PTPRT: variants seen among roughly 807,000 people sequenced by gnomAD.
PTPRT encodes receptor-type tyrosine-protein phosphatase T.
In PTPRT, 56 loss-of-function variants were observed where a neutral mutation model predicts 176.8. The observed-to-expected ratio is 0.32, with a 90% confidence interval of 0.26 to 0.40. The LOEUF is 0.40. PTPRT is among the 10% of genes least tolerant of loss of function. The pLI is 1.00. For synonymous variants in PTPRT, 783 were observed against 739.0 expected, an observed-to-expected ratio of 1.06 and a Z score of -0.96; for missense variants, 1,540 against 1,908.2, an observed-to-expected ratio of 0.81 and a Z score of 3.60.
At chr20:42,992,785 T>C (rs1411988024) in intron 1 of PTPRT, among the ~76,000 whole-genome samples, 1 of 152,188 alleles carries the variant, frequency 6.6e-6, no homozygotes, top group African/African-American at 2.4e-5. Flanking sequence ...CTGGCACAAC[T>C]GCAATCACAT....
chr20:43,021,961 G>A (rs1373716696), intron 1 of PTPRT, among the ~76,000 whole-genome samples: 1 of 152,162 alleles, frequency 6.6e-6, no homozygotes, highest in Non-Finnish European at 1.5e-5. Context: ...GGACAGAAGA[G>A]CAGGGAAAAG....
rs185569193 is a variant in PTPRT, at chr20:42,574,045, C to A, written c.1154-101483G>T. On this transcript the variant is annotated intron_variant, in intron 7 of 30. Coordinates refer to ENST00000373187, the MANE Select transcript of PTPRT (RefSeq NM_007050.6). ...TACAGGCGTGAGCCACCGCACCCAGCAAGATAGACTCTTTCTATGCTTCTG... is the reference window on the plus strand; with the variant it reads ...TACAGGCGTGAGCCACCGCACCCAGAAAGATAGACTCTTTCTATGCTTCTG... Among the ~76,000 whole-genome samples, 364 of 152,256 alleles carry A rather than the reference C, an allele frequency of 2.4e-3. 2 individuals carry two copies. Among genetic ancestry groups the A allele is most frequent in the East Asian group, 0.012 (60 of 5,160 alleles).
chr20:42,582,356 G>C (rs764445), intron 7 of PTPRT, among the ~76,000 whole-genome samples: 1,890 of 152,296 alleles, frequency 0.012, 44 homozygotes, highest in South Asian at 0.1. Flanking sequence ...TCTGAGGCTA[G>C]AGGTGGAATC....
In PTPRT at chr20:42,682,530, A is replaced by G. The variant is rs373569789; in HGVS notation, c.860-4371T>C. On this transcript the variant is annotated intron_variant, in intron 6 of 30. Transcript: ENST00000373187. ...CCAATGCCCTCTTAACAGACTCCACACCATCATCTGTGCAAAGCCAGGAGT... is the reference window on the plus strand; with the variant it reads ...CCAATGCCCTCTTAACAGACTCCACGCCATCATCTGTGCAAAGCCAGGAGT... 3.9e-5 allele frequency among the ~76,000 whole-genome samples: 6 copies of G among 152,312 alleles called. No individual in the cohort carries two copies. In the East Asian group the frequency reaches 9.6e-4, roughly 24 times the overall value.
chr20:43,105,557 TACC>T (rs2012569390), intron 1 of PTPRT, among the ~76,000 whole-genome samples: 1 of 152,070 alleles, frequency 6.6e-6, no homozygotes, highest in African/African-American at 2.4e-5. Context: ...CACACCACCA[TACC>T]TGGCTAATTT....
At chr20:42,638,924 C>T (rs535517372) in intron 7 of PTPRT, among the ~76,000 whole-genome samples, 109 of 152,074 alleles carry the variant, frequency 7.2e-4, no homozygotes, top group African/African-American at 2.6e-3. Context: ...AATTTAAATA[C>T]CACATATTTA....
intron 7 of PTPRT, among the ~76,000 whole-genome samples, chr20:42,587,341 G>A (rs773652949): frequency 1.3e-5 from 2 of 152,226 alleles, no homozygotes; most frequent in Non-Finnish European, 2.9e-5. Flanking sequence ...CCAGCATGGG[G>A]TCTGGCTCTG....
intron 1 of PTPRT, among the ~76,000 whole-genome samples, chr20:43,157,330 C>T (rs2014552363): frequency 1.3e-5 from 2 of 152,162 alleles, no homozygotes; most frequent in Non-Finnish European, 2.9e-5. Flanking sequence ...TGCCACTGCA[C>T]TCTAGCCTGG....
intron 9 of PTPRT, among the ~76,000 whole-genome samples, chr20:42,438,366 A>G (rs1199779714): frequency 2.0e-5 from 3 of 152,182 alleles, no homozygotes; most frequent in Non-Finnish European, 4.4e-5. Flanking sequence ...GCCCACTGAA[A>G]TGAAAGAAAG....
chr20:42,665,498 C>T (rs1600573838), intron 7 of PTPRT, among the ~76,000 whole-genome samples: 1 of 152,080 alleles, frequency 6.6e-6, no homozygotes, highest in East Asian at 1.9e-4. Flanking sequence ...GTTGGTGGGA[C>T]TGTAAACTAG....
At chr20:42,070,313 T>C (rs1276515078), downstream of PTPRT, among the ~76,000 whole-genome samples, 1 of 151,550 alleles carries the variant, frequency 6.6e-6, no homozygotes, top group Non-Finnish European at 1.5e-5. Flanking sequence ...GAGCTACCAA[T>C]CAAGGTGCTC....
At chr20:42,428,631 G>C (rs6030225) in intron 9 of PTPRT, among the ~76,000 whole-genome samples, 63,874 of 151,996 alleles carry the variant, frequency 0.42, 15,026 homozygotes, top group Admixed American at 0.53. Flanking sequence ...GGAGGGGAAG[G>C]ATGGGCTCTG....
chr20:43,096,604 T>C (rs1230775706), intron 1 of PTPRT, among the ~76,000 whole-genome samples: 2 of 152,198 alleles, frequency 1.3e-5, no homozygotes, highest in African/African-American at 2.4e-5. Flanking sequence ...TCCACAGCTC[T>C]GCCTGTGTAA....
chr20:42,853,418 A>G (rs376300558), intron 2 of PTPRT, among the ~76,000 whole-genome samples: 9 of 152,302 alleles, frequency 5.9e-5, no homozygotes, highest in Admixed American at 5.2e-4. Flanking sequence ...CCTGAGAACT[A>G]GAAGAGGTGA....
the PTPRT span, among the ~76,000 whole-genome samples, chr20:42,037,393 G>T: frequency 4.6e-5 from 7 of 152,220 alleles, no homozygotes; most frequent in South Asian, 1.5e-3. Flanking sequence ...TGTAGGGAGG[G>T]GTACAGGGGA....
intron 6 of PTPRT, among the ~76,000 whole-genome samples, chr20:42,713,874 T>C (rs541051231): frequency 6.6e-6 from 1 of 152,176 alleles, no homozygotes; most frequent in Non-Finnish European, 1.5e-5. Flanking sequence ...TGCTTCCCCT[T>C]TGCCTTCTGC....
chr20:42,235,196 T>A (rs189169053), intron 15 of PTPRT, among the ~76,000 whole-genome samples: 292 of 152,276 alleles, frequency 1.9e-3, no homozygotes, highest in Non-Finnish European at 3.2e-3. Context: ...GGATCTACTG[T>A]ACAGAGTTGT....
chr20:42,138,247 G>A (rs959935156), intron 18 of PTPRT, among the ~76,000 whole-genome samples: 1 of 152,224 alleles, frequency 6.6e-6, no homozygotes, highest in Non-Finnish European at 1.5e-5. Context: ...GATTCTGGTT[G>A]GCCCCAGCCA....
At chr20:42,409,481 CAAAAAAAAAAA>C (rs58932390) in intron 9 of PTPRT, among the ~76,000 whole-genome samples, 104 of 112,090 alleles carry the variant, frequency 9.3e-4, no homozygotes, top group African/African-American at 3.5e-3. Context: ...GACTCTGTCG[CAAAAAAAAAAA>C]AAAAAAAAAA....
Sources: allele counts gnomAD v4.1 joint callset (sites outside exome capture counted in the v4.1 genomes callset), GRCh38; gene constraint gnomAD v4.1.1; transcripts MANE v1.5; gene names NCBI Gene and HGNC (gene_info 2026-07-23, HGNC 2026-07-21).